THSD4: variants seen among roughly 807,000 people sequenced by gnomAD.
The protein encoded by THSD4 is thrombospondin type-1 domain-containing protein 4.
THSD4 carries 69 observed loss-of-function variants against 119.0 expected under a neutral mutation model. That is an observed-to-expected ratio of 0.58 (90% CI 0.48 to 0.71). THSD4 has a LOEUF of 0.71. THSD4 is among the 30% of genes least tolerant of loss of function. The probability of loss-of-function intolerance (pLI) is 0.00; values close to 1 mark genes in which losing one functional copy is unlikely to be tolerated. For synonymous variants in THSD4, 524 were observed against 540.4 expected (o/e 0.97, Z 0.42); for missense variants, 1,393 against 1,391.1 (o/e 1.00, Z -0.02).
intron 7 of THSD4, among the ~76,000 whole-genome samples, chr15:71,448,701 C>A (rs1413971329): frequency 6.6e-6 from 1 of 152,164 alleles, no homozygotes. Flanking sequence ...TGCAGTCCTT[C>A]CTGCTTTCTC....
chr15:71,458,092 T>A (rs1013275076), intron 7 of THSD4, among the ~76,000 whole-genome samples: 1 of 152,238 alleles, frequency 6.6e-6, no homozygotes, highest in Non-Finnish European at 1.5e-5. Context: ...ATAATCTATA[T>A]GCATTGCATA....
At chr15:71,654,360 T>G (rs914332205) in intron 7 of THSD4, among the ~76,000 whole-genome samples, 6 of 152,202 alleles carry the variant, frequency 3.9e-5, no homozygotes, top group African/African-American at 9.6e-5. Context: ...TTAGAAGATT[T>G]TAATGAGAAT....
chr15:71,669,562 C>T (rs1330297822), intron 8 of THSD4, among the ~76,000 whole-genome samples: 1 of 151,928 alleles, frequency 6.6e-6, no homozygotes, highest in Non-Finnish European at 1.5e-5. Context: ...ATTTTTCTTT[C>T]TATAACTAGC....
At chr15:71,281,012 G>A (rs1778380124) in intron 6 of THSD4, among the ~76,000 whole-genome samples, 1 of 152,220 alleles carries the variant, frequency 6.6e-6, no homozygotes, top group Admixed American at 6.5e-5. Context: ...GTCAGCTTCT[G>A]TAACTTGTGG....
chr15:71,380,895 C>A (rs571517307), intron 6 of THSD4, among the ~76,000 whole-genome samples: 1 of 152,270 alleles, frequency 6.6e-6, no homozygotes, highest in African/African-American at 2.4e-5. Flanking sequence ...CTTTCCCTTT[C>A]TCTTATGGGA....
chr15:71,367,299 T>C (rs151009288), intron 6 of THSD4, among the ~76,000 whole-genome samples: 2 of 152,168 alleles, frequency 1.3e-5, no homozygotes, highest in Non-Finnish European at 2.9e-5. Flanking sequence ...TTCTTTTTTT[T>C]ATTATTATTA....
chr15:71,254,433 C>T (rs1359838176), intron 5 of THSD4, among the ~76,000 whole-genome samples: 3 of 152,298 alleles, frequency 2.0e-5, no homozygotes, highest in Admixed American at 6.5e-5. Flanking sequence ...GGGGCTTGGG[C>T]GTGGCCCTTC....
At chr15:71,432,586 G>A (rs1200508354) in intron 7 of THSD4, among the ~76,000 whole-genome samples, 1 of 120,400 alleles carries the variant, frequency 8.3e-6, no homozygotes, top group African/African-American at 3.1e-5. Flanking sequence ...GTCAATATTT[G>A]TAAATCTTGC....
intron 6 of THSD4, among the ~76,000 whole-genome samples, chr15:71,386,274 G>A (rs2046292244): frequency 6.6e-6 from 1 of 152,214 alleles, no homozygotes; most frequent in South Asian, 2.1e-4. Context: ...AGAAGCTCAT[G>A]CTGTGAGCAG....
chr15:71,408,384 C>A (rs886918778), intron 6 of THSD4, among the ~76,000 whole-genome samples: 1 of 152,046 alleles, frequency 6.6e-6, no homozygotes, highest in Non-Finnish European at 1.5e-5. Context: ...AGGCGTGCAC[C>A]CTCACGCCCA....
At chr15:71,714,742 A>T (rs1417504219) in intron 8 of THSD4, among the ~76,000 whole-genome samples, 1 of 152,074 alleles carries the variant, frequency 6.6e-6, no homozygotes, top group Non-Finnish European at 1.5e-5. Context: ...GCTACTTGGG[A>T]GGCTGAGGCA....
chr15:71,705,673 C>G (rs1436461944), intron 8 of THSD4, among the ~76,000 whole-genome samples: 1 of 152,152 alleles, frequency 6.6e-6, no homozygotes, highest in Non-Finnish European at 1.5e-5. Flanking sequence ...AAATGAGAAG[C>G]TCCTGCAGCT....
chr15:71,776,919 G>A (rs1236044215), intron 17 of THSD4, among the ~76,000 whole-genome samples: 2 of 152,202 alleles, frequency 1.3e-5, no homozygotes, highest in Admixed American at 6.5e-5. Context: ...GAGTTTAAGT[G>A]TAAAGAAATG....
chr15:71,387,983 C>T (rs1009316557), intron 6 of THSD4, among the ~76,000 whole-genome samples: 12 of 152,204 alleles, frequency 7.9e-5, no homozygotes, highest in African/African-American at 2.9e-4. Flanking sequence ...TTTAATCTCT[C>T]CTGGGAGAGA....
chr15:71,493,327 T>G (rs1456169471), intron 7 of THSD4, among the ~76,000 whole-genome samples: 3 of 152,352 alleles, frequency 2.0e-5, no homozygotes, highest in Middle Eastern at 3.4e-3. Context: ...ACTCTCACTC[T>G]TATATTTCTT....
At chr15:71,446,790 C>T (rs2047188120) in intron 7 of THSD4, among the ~76,000 whole-genome samples, 1 of 152,096 alleles carries the variant, frequency 6.6e-6, no homozygotes, top group African/African-American at 2.4e-5. Flanking sequence ...GGATGTCTGC[C>T]ACAGATCTGA....
chr15:71,225,438 C>A lies in THSD4; in HGVS notation c.464+10039C>A, dbSNP rs560080134. ...GCTTTTTATTGATGCATTATTGAGA[C>A]CAACTGCTGTTTTAAATGTTCCTGT... On this transcript the variant is annotated intron_variant, in intron 4 of 17. Transcript: ENST00000261862. Among the ~76,000 whole-genome samples, 73 of 152,048 alleles carry A rather than the reference C, an allele frequency of 4.8e-4. 1 individual carries two copies. In the South Asian group the frequency reaches 0.015, roughly 31 times the overall value.
intron 2 of THSD4, among the ~76,000 whole-genome samples, chr15:71,144,813 G>T (rs1221864204): frequency 6.6e-6 from 1 of 152,148 alleles, no homozygotes; most frequent in Non-Finnish European, 1.5e-5. Context: ...CGATGGATCT[G>T]GTTGGGAATT....
intron 3 of THSD4, among the ~76,000 whole-genome samples, chr15:71,196,829 A>G (rs955929082): frequency 6.6e-6 from 1 of 152,192 alleles, no homozygotes; most frequent in Non-Finnish European, 1.5e-5. Flanking sequence ...AGCAGCTGTC[A>G]GAGAGGCAGG....
Sources: allele counts gnomAD v4.1 joint callset (sites outside exome capture counted in the v4.1 genomes callset), GRCh38; gene constraint gnomAD v4.1.1; transcripts MANE v1.5; gene names NCBI Gene and HGNC (gene_info 2026-07-23, HGNC 2026-07-21).